Variants in ZFHX3 observed in about 807,000 individuals in gnomAD.
The protein encoded by ZFHX3 is zinc finger homeobox protein 3.
In ZFHX3, 42 loss-of-function variants were observed where a neutral mutation model predicts 279.1. The observed-to-expected ratio is 0.15, with a 90% CI of 0.12 to 0.19. ZFHX3 has a LOEUF of 0.19. ZFHX3 is among the 10% of genes least tolerant of loss of function. ZFHX3 has a pLI of 1.00. For missense variants in ZFHX3, 4,981 were observed against 4,754.0 expected (o/e 1.05, Z -1.40); for synonymous variants, 2,293 against 1,957.8 (o/e 1.17, Z -4.52).
intron 2 of ZFHX3, among the ~76,000 whole-genome samples, chr16:73,468,672 C>T (rs921539359): frequency 6.6e-6 from 1 of 152,038 alleles, no homozygotes; most frequent in East Asian, 1.9e-4. Flanking sequence ...TGGAGGCAGA[C>T]ATTGCAGTGA....
chr16:72,900,945 C>G (rs188233011), intron 3 of ZFHX3, among the ~76,000 whole-genome samples: 31 of 152,304 alleles, frequency 2.0e-4, no homozygotes, highest in Non-Finnish European at 3.4e-4. Context: ...TGGCTTTTCC[C>G]AAAGAGTATC....
intron 1 of ZFHX3, among the ~76,000 whole-genome samples, chr16:73,871,126 A>C (rs1479741413): frequency 2.0e-5 from 3 of 152,206 alleles, no homozygotes; most frequent in Admixed American, 2.0e-4. Context: ...TTATTGACAC[A>C]AATTTACATA....
At chr16:73,615,312 C>A (rs1344287066) in intron 2 of ZFHX3, among the ~76,000 whole-genome samples, 1 of 151,964 alleles carries the variant, frequency 6.6e-6, no homozygotes, top group Non-Finnish European at 1.5e-5. Context: ...TGTGACAGGG[C>A]TTGGTCAGGG....
intron 2 of ZFHX3, among the ~76,000 whole-genome samples, chr16:73,646,547 G>A (rs987042812): frequency 3.9e-5 from 6 of 152,022 alleles, no homozygotes; most frequent in Non-Finnish European, 8.8e-5. Context: ...GAAAAGATCT[G>A]TAAGATACAT....
chr16:73,772,438 CT>C (rs2054028775), intron 1 of ZFHX3, among the ~76,000 whole-genome samples: 1 of 152,178 alleles, frequency 6.6e-6, no homozygotes, highest in Non-Finnish European at 1.5e-5. Flanking sequence ...TGGGAAAGGC[CT>C]GCCCCCATGA....
intron 5 of ZFHX3, among the ~76,000 whole-genome samples, chr16:72,821,312 C>G (rs1395901952): frequency 6.6e-6 from 1 of 152,174 alleles, no homozygotes. Context: ...CTCCACTTTC[C>G]CCTCCAGATT....
intron 1 of ZFHX3, among the ~76,000 whole-genome samples, chr16:73,764,446 G>C (rs2053905848): frequency 1.3e-5 from 2 of 152,144 alleles, no homozygotes; most frequent in South Asian, 4.1e-4. Context: ...ACTGCAGAGG[G>C]GAGGGGGAAG....
chr16:73,355,478 GC>G (rs1383695096), intron 3 of ZFHX3, among the ~76,000 whole-genome samples: 3 of 152,202 alleles, frequency 2.0e-5, no homozygotes, highest in East Asian at 1.9e-4. Context: ...GTGCCATGGA[GC>G]TTTTTGGTGG....
At chr16:73,199,108 G>T (rs1260276491) in intron 5 of ZFHX3, among the ~76,000 whole-genome samples, 1 of 152,194 alleles carries the variant, frequency 6.6e-6, no homozygotes, top group Non-Finnish European at 1.5e-5. Context: ...CTGTGAATTG[G>T]GGGGAAACTT....
At chr16:73,313,262 A>G (rs555122329) in intron 4 of ZFHX3, among the ~76,000 whole-genome samples, 1 of 152,312 alleles carries the variant, frequency 6.6e-6, no homozygotes, top group Admixed American at 6.5e-5. Context: ...AGCCTGTGGA[A>G]CTATGAGTCA....
At chr16:73,489,565 C>G (rs1567499523) in intron 2 of ZFHX3, among the ~76,000 whole-genome samples, 1 of 152,158 alleles carries the variant, frequency 6.6e-6, no homozygotes, top group Non-Finnish European at 1.5e-5. Context: ...CAACAAATAC[C>G]AATGCTAGCA....
rs2037020198 is a variant in ZFHX3, at chr16:72,829,744, C to T, written c.3529+35G>A. The stretch of plus-strand genomic sequence containing the variant: ...ATGAGAAGGCTCAAGGACAGCCACA[C>T]ACACTACCTGTCCACTTGCCCTGGT... On this transcript the variant is annotated intron_variant, in intron 5 of 9. Coordinates refer to ENST00000268489, the MANE Select transcript of ZFHX3 (RefSeq NM_006885.4). 4 of 1,606,580 alleles carry T rather than the reference C, an allele frequency of 2.5e-6. No individual in the cohort carries two copies. The African/African-American group carries it at 4.0e-5, about 16-fold the overall frequency.
chr16:73,238,506 G>T (rs2013021273), intron 5 of ZFHX3, among the ~76,000 whole-genome samples: 1 of 151,350 alleles, frequency 6.6e-6, no homozygotes, highest in African/African-American at 2.4e-5. Flanking sequence ...CTTTTTTATT[G>T]TATTCCTATC....
At chr16:73,283,563 C>T (rs1402614156) in intron 4 of ZFHX3, among the ~76,000 whole-genome samples, 1 of 152,154 alleles carries the variant, frequency 6.6e-6, no homozygotes, top group Admixed American at 6.5e-5. Context: ...CATGGACATC[C>T]ACCAATGAAA....
chr16:73,713,023 C>T (rs2053379563), intron 1 of ZFHX3, among the ~76,000 whole-genome samples: 1 of 152,222 alleles, frequency 6.6e-6, no homozygotes, highest in Non-Finnish European at 1.5e-5. Context: ...ATGGGCTGAT[C>T]TCCAGCTCTG....
In ZFHX3 at chr16:73,731,536, C is replaced by T. The variant is rs9935958; in HGVS notation, c.-1607-51296G>A. Among the ~76,000 whole-genome samples, 3 of 150,880 alleles carry T rather than the reference C, an allele frequency of 2.0e-5. No individual in the cohort carries two copies. In the East Asian group the frequency reaches 5.8e-4, roughly 29 times the overall value. ...ATCACCTGCAAAGTGTTATTGTGAT[C>T]GGAACAAAAAACACACAATCAAAGT... On this transcript the variant is annotated intron_variant, in intron 1 of 17. Coordinates refer to the ZFHX3 transcript ENST00000641206.
chr16:73,483,231 G>T, intron 2 of ZFHX3: 3 of 364,874 alleles, frequency 8.2e-6, no homozygotes, highest in Non-Finnish European at 1.6e-5. Context: ...GCCAGCGCAC[G>T]CCTGGCCCAG....
At chr16:73,598,320 A>G (rs983320332) in intron 2 of ZFHX3, among the ~76,000 whole-genome samples, 4 of 152,160 alleles carry the variant, frequency 2.6e-5, no homozygotes, top group African/African-American at 9.7e-5. Context: ...GTCAAGCCAT[A>G]TCACCTCTAC....
chr16:72,835,058 A>G (rs900134464), intron 4 of ZFHX3, among the ~76,000 whole-genome samples: 2 of 152,154 alleles, frequency 1.3e-5, no homozygotes, highest in African/African-American at 4.8e-5. Flanking sequence ...GGGTATCTGT[A>G]CCCGAGGCTC....
Sources: allele counts gnomAD v4.1 joint callset (sites outside exome capture counted in the v4.1 genomes callset), GRCh38; gene constraint gnomAD v4.1.1; transcripts MANE v1.5; gene names NCBI Gene and HGNC (gene_info 2026-07-23, HGNC 2026-07-21).